RANBP17: variants seen among roughly 807,000 people sequenced by gnomAD.
RANBP17 encodes the protein ran-binding protein 17.
Under a neutral mutation model 141.2 loss-of-function variants are expected in RANBP17, and 158 were observed. The ratio of observed to expected loss-of-function variants is 1.12; its 90% CI spans 0.98 to 1.28. The LOEUF (loss-of-function observed/expected upper bound fraction) is 1.28. Ranked by LOEUF, RANBP17 falls within the 50% of genes most tolerant of loss-of-function variation. RANBP17 has a pLI of 0.00. For synonymous variants in RANBP17, 430 were observed against 450.0 expected (o/e 0.96, Z 0.56); for missense variants, 1,438 against 1,290.7 (o/e 1.11, Z -1.75).
chr5:170,902,999 A>ATC (rs1265633675), intron 5 of RANBP17, among the ~76,000 whole-genome samples: 3 of 152,024 alleles, frequency 2.0e-5, no homozygotes, highest in African/African-American at 7.2e-5. Flanking sequence ...AGGCACGGAG[A>ATC]TCTGTGCCTT....
chr5:171,079,523 G>T (rs567912630), intron 14 of RANBP17, among the ~76,000 whole-genome samples: 6 of 152,286 alleles, frequency 3.9e-5, no homozygotes, highest in African/African-American at 1.4e-4. Flanking sequence ...AAGTCAATCA[G>T]TGCAGCAAAT....
At chr5:171,068,882 C>T (rs1484777100) in intron 14 of RANBP17, among the ~76,000 whole-genome samples, 1 of 152,190 alleles carries the variant, frequency 6.6e-6, no homozygotes, top group Non-Finnish European at 1.5e-5. Context: ...CCACCACACC[C>T]AGCTGGTGCT....
At chr5:171,229,806 C>T (rs993699003) in intron 22 of RANBP17, among the ~76,000 whole-genome samples, 1 of 150,088 alleles carries the variant, frequency 6.7e-6, no homozygotes, top group Non-Finnish European at 1.5e-5. Flanking sequence ...TGGCTCACAC[C>T]TGTAATCCCA....
chr5:170,888,571 C>T (rs187666461), intron 3 of RANBP17, among the ~76,000 whole-genome samples: 1 of 152,074 alleles, frequency 6.6e-6, no homozygotes, highest in Non-Finnish European at 1.5e-5. Context: ...TATTGTGTAA[C>T]CTTGCTGTAA....
At chr5:171,232,826 T>G (rs1326738904) in intron 22 of RANBP17, among the ~76,000 whole-genome samples, 1 of 152,232 alleles carries the variant, frequency 6.6e-6, no homozygotes, top group Non-Finnish European at 1.5e-5. Flanking sequence ...TTTAAATAGC[T>G]GCAAAATATT....
At chr5:171,001,849 G>C (rs1412326907) in intron 14 of RANBP17, among the ~76,000 whole-genome samples, 3 of 152,120 alleles carry the variant, frequency 2.0e-5, no homozygotes, top group African/African-American at 7.2e-5. Flanking sequence ...CAAAAGGGAA[G>C]AAATGACCGC....
intron 25 of RANBP17, among the ~76,000 whole-genome samples, chr5:171,267,026 CTTTTT>C (rs35762251): frequency 2.6e-5 from 3 of 114,620 alleles, no homozygotes; most frequent in African/African-American, 1.1e-4. Flanking sequence ...ATTTTCTTTT[CTTTTT>C]TTTTTTTTTT....
intron 14 of RANBP17, among the ~76,000 whole-genome samples, chr5:171,020,843 A>G (rs2127602016): frequency 6.6e-6 from 1 of 152,236 alleles, no homozygotes; most frequent in East Asian, 1.9e-4. Flanking sequence ...TTTGCACATT[A>G]GTTGATGCAG....
intron 12 of RANBP17, among the ~76,000 whole-genome samples, chr5:170,947,292 A>C (rs949673536): frequency 2.0e-5 from 3 of 152,096 alleles, no homozygotes; most frequent in African/African-American, 7.2e-5. Context: ...TCAGTAACCC[A>C]TATCTGTTGA....
At position 171,089,851 on chromosome 5, in the gene RANBP17, C is replaced by A. The variant is rs934754870; in HGVS notation, c.1711-80279C>A. ...GTGCGTGCACCCACTGGCCTGCGCC[C>A]ACTGTCTGGCACTCCCTAGTGAGAT... On this transcript the variant is annotated intron_variant, in intron 14 of 27. Transcript: ENST00000523189. Among the ~76,000 whole-genome samples the A allele has an allele frequency of 2.0e-5, 3 of 152,194 alleles. No individual in the cohort carries two copies. In the South Asian group the frequency reaches 6.2e-4, roughly 31 times the overall value.
At chr5:170,987,226 T>G (rs568994140) in intron 14 of RANBP17, among the ~76,000 whole-genome samples, 1 of 151,906 alleles carries the variant, frequency 6.6e-6, no homozygotes, top group East Asian at 1.9e-4. Flanking sequence ...AGATTATATG[T>G]TGAAGCTTGA....
At chr5:171,130,786 A>G (rs1305720967) in intron 14 of RANBP17, among the ~76,000 whole-genome samples, 1 of 152,176 alleles carries the variant, frequency 6.6e-6, no homozygotes, top group African/African-American at 2.4e-5. Flanking sequence ...GAGAATACAG[A>G]TACATCATCA....
intron 22 of RANBP17, among the ~76,000 whole-genome samples, chr5:171,236,997 A>G (rs890779453): frequency 5.9e-5 from 9 of 152,186 alleles, no homozygotes; most frequent in African/African-American, 2.2e-4. Flanking sequence ...GGGTAATGGG[A>G]GTCTCTTCTG....
Position 171,118,399 on chromosome 5 carries a change from C to T in RANBP17, c.1711-51731C>T, listed in dbSNP as rs147408536. Among the ~76,000 whole-genome samples the T allele has an allele frequency of 2.1e-3, 319 of 152,080 alleles. 2 individuals are homozygous for T. Among genetic ancestry groups the T allele is most frequent in the African/African-American group, 7.4e-3 (308 of 41,496 alleles). ...TATTTGGGGTCTTTGTGCTTCTATA[C>T]GACTTTTAGGATTTTTTTTTCTATT... On this transcript the variant is annotated intron_variant, in intron 14 of 27. Transcript: ENST00000523189.
intron 19 of RANBP17, among the ~76,000 whole-genome samples, chr5:171,205,183 T>G (rs1365416470): frequency 6.6e-6 from 1 of 152,238 alleles, no homozygotes; most frequent in East Asian, 1.9e-4. Flanking sequence ...TGTTATTAAA[T>G]AATGTCTAGA....
chr5:170,905,216 C>T (rs889751082), intron 5 of RANBP17, among the ~76,000 whole-genome samples: 13 of 152,088 alleles, frequency 8.5e-5, no homozygotes, highest in East Asian at 3.8e-4. Flanking sequence ...TCACCTGTTC[C>T]GTTTGCACAT....
chr5:171,210,416 C>T (rs1581031243), intron 20 of RANBP17, among the ~76,000 whole-genome samples: 1 of 152,290 alleles, frequency 6.6e-6, no homozygotes, highest in East Asian at 1.9e-4. Context: ...CCTGCCTTAT[C>T]CCGTAGTGAA....
chr5:170,898,340 T>C (rs1770316249), intron 5 of RANBP17, among the ~76,000 whole-genome samples: 3 of 152,216 alleles, frequency 2.0e-5, no homozygotes, highest in African/African-American at 4.8e-5. Context: ...TTTTCAGAAG[T>C]GTCTGTTCAT....
At chr5:170,865,283 G>A (rs1478599224) in intron 1 of RANBP17, among the ~76,000 whole-genome samples, 1 of 152,028 alleles carries the variant, frequency 6.6e-6, no homozygotes, top group African/African-American at 2.4e-5. Flanking sequence ...GGCTGACCTC[G>A]AATTCCTGAC....
Sources: allele counts gnomAD v4.1 joint callset (sites outside exome capture counted in the v4.1 genomes callset), GRCh38; gene constraint gnomAD v4.1.1; transcripts MANE v1.5; gene names NCBI Gene and HGNC (gene_info 2026-07-23, HGNC 2026-07-21).